RBBP5: variants seen among roughly 807,000 people sequenced by gnomAD.
RBBP5 encodes the protein retinoblastoma-binding protein 5.
RBBP5 carries 5 observed loss-of-function variants against 72.2 expected under a neutral mutation model. The observed-to-expected ratio is 0.07, with a 90% confidence interval of 0.04 to 0.15. The LOEUF is 0.15. Ranked by LOEUF, RBBP5 falls within the 10% of genes least tolerant of loss-of-function variation. The pLI, the probability that RBBP5 is intolerant of heterozygous loss-of-function variation, is 1.00. For synonymous variants in RBBP5, 209 were observed against 237.2 expected, an observed-to-expected ratio of 0.88 and a Z score of 1.09; for missense variants, 322 against 652.2, an observed-to-expected ratio of 0.49 and a Z score of 5.51.
intron 2 of RBBP5, 80 bp from the exon 3 acceptor site, chr1:205,115,041 T>A: frequency 1.6e-6 from 2 of 1,244,342 alleles, no homozygotes; most frequent in Non-Finnish European, 1.1e-6. Flanking sequence ...CTTTATCACT[T>A]GTGATACTTT....
At chr1:205,108,596 C>CAAAAAA (rs1019728609) in intron 3 of RBBP5, among the ~76,000 whole-genome samples, 2 of 151,932 alleles carry the variant, frequency 1.3e-5, no homozygotes, top group Non-Finnish European at 2.9e-5. Context: ...AGGCAGGAAA[C>CAAAAAA]AAAAACAAAA....
At chr1:205,109,654 T>C (rs1160805146) in intron 3 of RBBP5, among the ~76,000 whole-genome samples, 2 of 152,126 alleles carry the variant, frequency 1.3e-5, no homozygotes, top group Non-Finnish European at 2.9e-5. Context: ...ATTTCTGTCA[T>C]AATGGAGGGA....
rs769348224 is a variant in RBBP5, at chr1:205,099,111, A to C, written c.979-5T>G. On this transcript the variant is annotated splice_polypyrimidine_tract_variant and splice_region_variant and intron_variant, in intron 9 of 13. Coordinates refer to ENST00000264515, the MANE Select transcript of RBBP5 (RefSeq NM_005057.4). This position sits in a 1 kb window ranked among gnomAD's most constrained non-coding sequence, Gnocchi z 4.7. ...TGCAAATGCACTCCAGTTTTCCTAT[A>C]CAACAAGATATACTACTTAACCATA... 1.3e-6 allele frequency: 2 copies of C among 1,554,896 alleles called. No individual in the cohort carries two copies. Among genetic ancestry groups the C allele is most frequent in the South Asian group, 1.1e-5 (1 of 88,002 alleles).
intron 1 of RBBP5, 95 bp downstream of exon 1, chr1:205,121,760 T>G: frequency 1.3e-6 from 2 of 1,574,858 alleles, no homozygotes; most frequent in South Asian, 1.1e-5. Context: ...AGCCGAACAG[T>G]GTCCCTAAGA....
In RBBP5 at chr1:205,103,954, T is replaced by C; in HGVS notation, c.425A>G (p.His142Arg). 1 of 1,614,064 alleles carries C rather than the reference T, an allele frequency of 6.2e-7. No individual in the cohort carries two copies. The highest frequency in any genetic ancestry group is 8.5e-7 in the Non-Finnish European group (1 of 1,179,996). Reference protein sequence around the residue: ...PVMLTLSDSKHVVLPVDDDSD... With the variant: ...PVMLTLSDSKRVVLPVDDDSD... ...GTCATCGTCCACCGGCAGAACAACA[T>C]GTTTGGAATCTGAAAGGGTCAACAT... The change falls in exon 5 of 14, where the codon CAT (histidine) becomes CGT (arginine). Residue 142 changes from histidine (H) to arginine (R), a missense_variant. By Grantham distance (29) the His-to-Arg change is conservative. Coordinates refer to ENST00000264515, the MANE Select transcript of RBBP5 (RefSeq NM_005057.4).
In RBBP5 at chr1:205,121,962, G is replaced by A. The variant is rs1399376221; in HGVS notation, c.-89C>T. 4.4e-6 allele frequency: 7 copies of A among 1,579,492 alleles called. No homozygotes were observed. The highest frequency in any genetic ancestry group is 1.3e-5 in the African/African-American group (1 of 74,318). On this transcript the variant is annotated 5_prime_UTR_variant, in exon 1 of 14. Coordinates refer to ENST00000264515, the MANE Select transcript of RBBP5 (RefSeq NM_005057.4). Reference sequence around the variant, plus strand: ...AGCAACTTGCGTCTAAGTGGTGGACGCCGCGAAGAGACTGGCGCAAGCTCC... The same window carrying A: ...AGCAACTTGCGTCTAAGTGGTGGACACCGCGAAGAGACTGGCGCAAGCTCC...
intron 13 of RBBP5, among the ~76,000 whole-genome samples, chr1:205,094,337 T>C (rs1431189153): frequency 1.3e-5 from 2 of 152,244 alleles, no homozygotes; most frequent in Non-Finnish European, 1.5e-5. Flanking sequence ...AATTTCATTA[T>C]TGCTTCTGGA....
chr1:205,111,171 T>C (rs1656299127), intron 3 of RBBP5, among the ~76,000 whole-genome samples: 1 of 152,242 alleles, frequency 6.6e-6, no homozygotes. Context: ...TCTTACTTTA[T>C]ATCCTTTGAC....
At chr1:205,100,854 T>G (rs540364710) in intron 6 of RBBP5, among the ~76,000 whole-genome samples, 5 of 152,282 alleles carry the variant, frequency 3.3e-5, no homozygotes, top group African/African-American at 1.2e-4. Context: ...CGGCCCAGGC[T>G]GGTGGGAGGA....
In RBBP5 at chr1:205,088,790, T is replaced by C. The variant is rs1482610575; in HGVS notation, c.1614A>G (p.Leu538=). 1.9e-6 allele frequency: 3 copies of C among 1,597,170 alleles called. No homozygotes were observed. The highest frequency in any genetic ancestry group is 1.4e-5 in the African/African-American group (1 of 73,914). The change falls in exon 14 of 14, where the codon TTA becomes TTG. Residue 538 remains leucine, a synonymous_variant. Transcript: ENST00000264515. ...LTAGGAISEL[L] ...GAATGAAGAACTTCGAAGGTCTTCATAACAGTTCTGAGATTGCTCCTCCTG... is the reference window on the plus strand; with the variant it reads ...GAATGAAGAACTTCGAAGGTCTTCACAACAGTTCTGAGATTGCTCCTCCTG...
rs1363783139 is a variant in RBBP5, at chr1:205,105,179, A to C, written c.219-11T>G. The stretch of plus-strand genomic sequence containing the variant: ...CCATCTCGGCTCCAGCTGAGGAAAA[A>C]AAAGGGGTAATTTAGCACATATTCT... On this transcript the variant is annotated splice_polypyrimidine_tract_variant and intron_variant, in intron 3 of 13. Transcript: ENST00000264515. 1 of 1,606,004 alleles carries C rather than the reference A, an allele frequency of 6.2e-7. No individual in the cohort carries two copies. The highest frequency in any genetic ancestry group is 1.1e-5 in the South Asian group (1 of 91,024).
At chr1:205,098,428 G>C (rs923314726) in intron 10 of RBBP5, among the ~76,000 whole-genome samples, 5 of 152,154 alleles carry the variant, frequency 3.3e-5, no homozygotes, top group African/African-American at 1.2e-4. Context: ...ACAATGATAT[G>C]TTAAGAGAGC....
chr1:205,101,918 C>T (rs371236860), intron 5 of RBBP5, among the ~76,000 whole-genome samples: 5 of 114,258 alleles, frequency 4.4e-5, no homozygotes, highest in South Asian at 2.7e-4. Flanking sequence ...TTTTTTGAAA[C>T]GGAGTTTCGC....
In RBBP5 at chr1:205,101,610, G is replaced by T; in HGVS notation, c.622C>A (p.Arg208=). Residue 208 remains arginine, a synonymous_variant, in exon 6 of 14, where the codon CGG becomes AGG. Transcript: ENST00000264515. ...TTAIKSIEFA[R]KGSCFLINTA... is the part of the protein sequence containing the mutation. ...TAAGATCTCACTCACCTCCCCTTCC[G>T]GGCAAACTCAATTGACTTAATGGCT... The T allele has an allele frequency of 1.2e-6, 2 of 1,609,228 alleles. No individual in the cohort carries two copies. The highest frequency in any genetic ancestry group is 2.2e-5 in the South Asian group (2 of 90,188).
rs1465578450 is a variant in RBBP5, at chr1:205,088,537, C to G, written c.*250G>C. 1 of 467,408 alleles carries G rather than the reference C, an allele frequency of 2.1e-6. No homozygotes were observed. Among genetic ancestry groups the G allele is most frequent in the Non-Finnish European group, 3.7e-6 (1 of 267,098 alleles). 29.0% of individuals were successfully genotyped at this position (467,408 alleles called of 1,614,324 possible). On this transcript the variant is annotated 3_prime_UTR_variant, in exon 14 of 14. Transcript: ENST00000264515. ...TCAAAGTTTAAATGAGTCAAAATTCCTATCTGATGTCTTCACAAATCTTCA... is the reference window on the plus strand; with the variant it reads ...TCAAAGTTTAAATGAGTCAAAATTCGTATCTGATGTCTTCACAAATCTTCA...
At chr1:205,120,613 C>T (rs1227856164) in intron 1 of RBBP5, among the ~76,000 whole-genome samples, 1 of 152,126 alleles carries the variant, frequency 6.6e-6, no homozygotes, top group East Asian at 1.9e-4. Flanking sequence ...GAAACCCCAT[C>T]TCTGCTAAAC....
chr1:205,121,753 C>G, intron 1 of RBBP5, 102 bp downstream of exon 1: 1 of 1,563,912 alleles, frequency 6.4e-7, no homozygotes, highest in Non-Finnish European at 8.7e-7. Context: ...GATCCATAGC[C>G]GAACAGTGTC....
At chr1:205,113,766 C>T (rs1019673700) in intron 3 of RBBP5, among the ~76,000 whole-genome samples, 1 of 150,280 alleles carries the variant, frequency 6.7e-6, no homozygotes, top group Admixed American at 6.7e-5. Context: ...CTCACTGCAA[C>T]CTCTGCCTTC....
In RBBP5 at chr1:205,099,806, G is replaced by C. The variant is rs1311941100; in HGVS notation, c.913C>G (p.Pro305Ala). Residue 305 changes from proline to alanine, a missense_variant, in exon 9 of 14, where the codon CCT becomes GCT. Transcript: ENST00000264515. The surrounding 1 kb of genome is among the most constrained non-coding windows in gnomAD (Gnocchi z 4.7). Reference sequence around the variant, plus strand: ...ATGGATGCTATGATGGGTCGAACAGGATGCCACTAAATTTTAGTGAAGGAA... The same window carrying C: ...ATGGATGCTATGATGGGTCGAACAGCATGCCACTAAATTTTAGTGAAGGAA... ...GELLLDVAWH[P>A]VRPIIASISS... The C allele has an allele frequency of 1.2e-6, 2 of 1,613,776 alleles. No individual in the cohort carries two copies. Among genetic ancestry groups the C allele is most frequent in the Non-Finnish European group, 1.7e-6 (2 of 1,179,780 alleles).
Sources: gnomAD v4.1 joint callset for allele counts (sites outside exome capture counted in the v4.1 genomes callset) on GRCh38, gnomAD v4.1.1 for gene constraint, Gnocchi (gnomAD v3.1) non-coding constraint, MANE v1.5 for transcripts, NCBI Gene and HGNC (gene_info 2026-07-23, HGNC 2026-07-21) for gene names.